CEP41: variants seen among roughly 807,000 people sequenced by gnomAD.
The protein encoded by CEP41 is centrosomal protein of 41 kDa.
CEP41 carries 32 observed loss-of-function variants against 44.3 expected under a neutral mutation model. The observed-to-expected ratio is 0.72, with a 90% CI of 0.54 to 0.97. The LOEUF is 0.97. Ranked by LOEUF, CEP41 falls within the 50% of genes least tolerant of loss-of-function variation. The probability of loss-of-function intolerance (pLI) is 0.00; values close to 1 mark genes in which losing one functional copy is unlikely to be tolerated. For missense variants in CEP41, 432 were observed against 455.2 expected, an observed-to-expected ratio of 0.95 and a Z score of 0.46; for synonymous variants, 151 against 168.5, an observed-to-expected ratio of 0.90 and a Z score of 0.80.
intron 1 of CEP41, among the ~76,000 whole-genome samples, chr7:130,428,428 CAA>C (rs67847969): frequency 2.6e-4 from 10 of 38,078 alleles, no homozygotes; most frequent in South Asian, 1.7e-3. Flanking sequence ...GACTCTGACT[CAA>C]AAAAAAAAAA....
In CEP41 at chr7:130,398,043, G is replaced by T. The variant is rs1238362388; in HGVS notation, c.*848C>A. Reference sequence around the variant, plus strand: ...GTATTTTCAACTGGCCATAATTTCTGTCCATCTAACATGGATGGACTGAAG... The same window carrying T: ...GTATTTTCAACTGGCCATAATTTCTTTCCATCTAACATGGATGGACTGAAG... On this transcript the variant is annotated 3_prime_UTR_variant, in exon 11 of 11. Transcript: ENST00000223208. 4 of 454,036 alleles carry T rather than the reference G, an allele frequency of 8.8e-6. No individual in the cohort carries two copies. The East Asian group carries it at 2.8e-4, about 32-fold the overall frequency. The allele number at this position is 454,036 out of a possible 1,614,324, so 28.1% of individuals were successfully genotyped here.
chr7:130,396,589 T>A lies in CEP41; in HGVS notation c.*2302A>T, dbSNP rs781941870. The A allele has an allele frequency of 4.4e-6, 2 of 454,550 alleles. No homozygotes were observed. The allele number at this position is 454,550 out of a possible 1,614,324, so 28.2% of individuals were successfully genotyped here. ...TCATAATTGCACAAAGCATCACTGGTCATTTAAATAATACATGTCAATTAA... is the reference window on the plus strand; with the variant it reads ...TCATAATTGCACAAAGCATCACTGGACATTTAAATAATACATGTCAATTAA... On this transcript the variant is annotated 3_prime_UTR_variant, in exon 11 of 11. Transcript: ENST00000223208.
In CEP41 at chr7:130,396,079, C is replaced by T. The variant is rs530515779; in HGVS notation, c.*2812G>A. 45 of 453,966 alleles carry T rather than the reference C, an allele frequency of 9.9e-5. 1 individual carries two copies. Among genetic ancestry groups the T allele is most frequent in the African/African-American group, 9.0e-4 (45 of 50,094 alleles). The allele number at this position is 453,966 out of a possible 1,614,324, so 28.1% of individuals were successfully genotyped here. Reference sequence around the variant, plus strand: ...GCCCTCCCTTCTTCCCATTTCCTTGCTTCTTTCTCCCTTCCTTTCTTTTTT... The same window carrying T: ...GCCCTCCCTTCTTCCCATTTCCTTGTTTCTTTCTCCCTTCCTTTCTTTTTT... On this transcript the variant is annotated 3_prime_UTR_variant, in exon 11 of 11. Transcript: ENST00000223208.
At chr7:130,420,947 A>G in intron 2 of CEP41, 1 of 983,084 alleles carries the variant, frequency 1.0e-6, no homozygotes, top group Non-Finnish European at 1.2e-6. Flanking sequence ...AACTTGACTT[A>G]TATACAGTAT....
chr7:130,419,871 T>G, intron 2 of CEP41: 5 of 985,300 alleles, frequency 5.1e-6, no homozygotes, highest in Non-Finnish European at 6.0e-6. Context: ...GCACTCGGCT[T>G]ACAACTCACA....
chr7:130,402,058 G>A (rs1796861411), intron 7 of CEP41, 110 bp from the exon 8 acceptor site: 1 of 768,230 alleles, frequency 1.3e-6, no homozygotes, highest in Non-Finnish European at 2.3e-6. Flanking sequence ...CAAAATCCAT[G>A]AGCTGCTGGG....
At chr7:130,401,736 A>T in intron 8 of CEP41, 145 bp downstream of exon 8, 1 of 612,926 alleles carries the variant, frequency 1.6e-6, no homozygotes, top group South Asian at 1.7e-5. Context: ...TCTTGGCAAT[A>T]GCTAGGAATC....
chr7:130,401,088 T>TC, intron 8 of CEP41: 1 of 442,576 alleles, frequency 2.3e-6, no homozygotes, highest in Non-Finnish European at 4.2e-6. Flanking sequence ...AGCTCTCTTA[T>TC]CCCTATGACC....
At chr7:130,416,797 C>T (rs1185000218) in intron 3 of CEP41, 122 bp downstream of exon 3, 1 of 820,584 alleles carries the variant, frequency 1.2e-6, no homozygotes, top group South Asian at 1.4e-5. Context: ...ACCTGCTAGG[C>T]TTATCGGACC....
intron 4 of CEP41, chr7:130,411,953 G>A (rs1305372873): frequency 4.3e-6 from 2 of 463,402 alleles, no homozygotes; most frequent in Admixed American, 3.8e-5. Flanking sequence ...TAAAAGTAGG[G>A]CAAACATTTA....
intron 1 of CEP41, among the ~76,000 whole-genome samples, chr7:130,431,669 G>A (rs140525075): frequency 2.2e-4 from 33 of 152,256 alleles, no homozygotes; most frequent in African/African-American, 7.0e-4. Context: ...TGAGAGCTAC[G>A]GGGTTTCTGG....
intron 1 of CEP41, chr7:130,440,408 T>C: frequency 4.8e-6 from 1 of 208,608 alleles, no homozygotes; most frequent in Non-Finnish European, 9.7e-6. Context: ...TAACGTTTGT[T>C]GAAACTGCCA....
chr7:130,438,491 G>A (rs1798043476), intron 1 of CEP41, among the ~76,000 whole-genome samples: 1 of 152,040 alleles, frequency 6.6e-6, no homozygotes, highest in Non-Finnish European at 1.5e-5. Context: ...CCCGGGAGGT[G>A]GAGGTTGCAG....
chr7:130,439,102 A>C (rs1372685109), intron 1 of CEP41, among the ~76,000 whole-genome samples: 1 of 152,200 alleles, frequency 6.6e-6, no homozygotes, highest in Non-Finnish European at 1.5e-5. Context: ...AGGCAGCAAG[A>C]CCAACCCCTC....
chr7:130,424,165 G>A (rs1234877287), intron 2 of CEP41, among the ~76,000 whole-genome samples: 1 of 152,176 alleles, frequency 6.6e-6, no homozygotes, highest in Non-Finnish European at 1.5e-5. Context: ...GGGAGGCCGA[G>A]GCAGGTGGAT....
At chr7:130,411,064 G>A in intron 5 of CEP41, 58 bp downstream of exon 5, 4 of 1,403,388 alleles carry the variant, frequency 2.9e-6, no homozygotes, top group East Asian at 2.3e-5. Context: ...TGTACAGGGT[G>A]AGTGTTTCAG....
chr7:130,414,436 A>C (rs530912963), intron 3 of CEP41, among the ~76,000 whole-genome samples: 1 of 152,348 alleles, frequency 6.6e-6, no homozygotes, highest in Admixed American at 6.5e-5. Flanking sequence ...CAGCAAATGG[A>C]AACAGCCAAC....
In CEP41 at chr7:130,396,409, T is replaced by A. The variant is rs189091601; in HGVS notation, c.*2482A>T. 2,312 of 454,382 alleles carry A rather than the reference T, an allele frequency of 5.1e-3. 39 individuals are homozygous for A. The highest frequency in any genetic ancestry group is 0.03 in the East Asian group (435 of 14,384). 28.1% of individuals were successfully genotyped at this position (454,382 alleles called of 1,614,324 possible). On this transcript the variant is annotated 3_prime_UTR_variant, in exon 11 of 11. Transcript: ENST00000223208. ...GATTTCCTGATTCATTTATTTTTTT[T>A]AAAAAATGCTTTCCTAGGAGATGCA...
chr7:130,413,450 G>A (rs1216503566), intron 3 of CEP41, among the ~76,000 whole-genome samples: 1 of 151,978 alleles, frequency 6.6e-6, no homozygotes. Flanking sequence ...GCATGGTGGT[G>A]CACACCTGTA....
Sources: gnomAD v4.1 joint callset for allele counts (sites outside exome capture counted in the v4.1 genomes callset) on GRCh38, gnomAD v4.1.1 for gene constraint, MANE v1.5 for transcripts, NCBI Gene and HGNC (gene_info 2026-07-23, HGNC 2026-07-21) for gene names.